The following WAC variants were observed in gnomAD, a reference collection of about 807,000 sequenced individuals.
WAC encodes the protein WW domain-containing adapter protein with coiled-coil.
In WAC, 11 loss-of-function variants were observed where a neutral mutation model predicts 79.6. That is an observed-to-expected ratio of 0.14 (90% confidence interval 0.09 to 0.23). WAC has a LOEUF of 0.23. Ranked by LOEUF, WAC falls within the 10% of genes least tolerant of loss-of-function variation. WAC has a pLI of 1.00. For synonymous variants in WAC, 304 were observed against 276.9 expected (o/e 1.10, Z -0.97); for missense variants, 728 against 773.5 (o/e 0.94, Z 0.70).
At chr10:28,588,355 A>G (rs1839925305) in intron 4 of WAC, among the ~76,000 whole-genome samples, 1 of 152,126 alleles carries the variant, frequency 6.6e-6, no homozygotes, top group Non-Finnish European at 1.5e-5. Flanking sequence ...TGCCACCCTC[A>G]TTATTTTGGG....
At chr10:28,590,311 CAAAAAAAA>C (rs34562281) in intron 5 of WAC, among the ~76,000 whole-genome samples, 3 of 103,384 alleles carry the variant, frequency 2.9e-5, no homozygotes, top group African/African-American at 3.8e-5. Context: ...GATGCTATCT[CAAAAAAAA>C]AAAAAAAAAA....
At chr10:28,542,858 A>C (rs1220387862) in intron 3 of WAC, among the ~76,000 whole-genome samples, 2 of 152,204 alleles carry the variant, frequency 1.3e-5, no homozygotes, top group Admixed American at 1.3e-4. Context: ...TTTGGAAACA[A>C]ATGTTATAGC....
At chr10:28,603,247 T>G (rs973611295) in intron 7 of WAC, among the ~76,000 whole-genome samples, 1 of 152,168 alleles carries the variant, frequency 6.6e-6, no homozygotes, top group Non-Finnish European at 1.5e-5. Flanking sequence ...TTTAAAAAAA[T>G]TGCATGTTTT....
In WAC at chr10:28,538,538, T is replaced by C. The variant is rs551726132; in HGVS notation, c.274+2781T>C. ...TGGAGGTTGCAGTGAGCTGAGATTG[T>C]GCCATTGCACTCCAGCCTGGGAGAC... On this transcript the variant is annotated intron_variant, in intron 3 of 13. Transcript: ENST00000354911. Among the ~76,000 whole-genome samples, 52 of 142,482 alleles carry C rather than the reference T, an allele frequency of 3.6e-4. No homozygotes were observed. In the East Asian group the frequency reaches 7.0e-3, roughly 19 times the overall value. 93.5% of individuals were successfully genotyped at this position (142,482 alleles called of 152,430 possible).
chr10:28,616,240 G>A lies in WAC; in HGVS notation c.1624G>A (p.Val542Ile), dbSNP rs200849182. The A allele has an allele frequency of 1.2e-4, 190 of 1,613,844 alleles. No homozygotes were observed. The highest frequency in any genetic ancestry group is 1.5e-4 in the Non-Finnish European group (181 of 1,179,934). Residue 542 changes from valine (V) to isoleucine (I), a missense_variant, in exon 12 of 14, where the codon GTT (valine) becomes ATT (isoleucine). By Grantham distance (29) the Val-to-Ile change is conservative. Around this residue, in one of 3 missense-constraint regions of WAC, gnomAD observed 648 missense variants for 661.5 expected, o/e 0.98. Transcript: ENST00000354911. Reference protein sequence around the residue: ...SNSSNASNATVVPQNSSARST... With the variant: ...SNSSNASNATIVPQNSSARST... ...TAGTAGTAATGCATCAAATGCAACA[G>A]TTGTACCACAGAATTCTTCTGCCCG...
intron 7 of WAC, among the ~76,000 whole-genome samples, chr10:28,605,240 TAAAAG>T (rs1353260029): frequency 6.6e-6 from 1 of 152,232 alleles, no homozygotes; most frequent in East Asian, 1.9e-4. Flanking sequence ...TTTTTAAAGT[TAAAAG>T]GAACCTTGGA....
chr10:28,591,699 A>T (rs2132681886), intron 6 of WAC: 1 of 152,308 alleles, frequency 6.6e-6, no homozygotes, highest in South Asian at 2.1e-4. Flanking sequence ...CAGTGTCCAC[A>T]GAATTAAAAA....
chr10:28,590,888 T>G, intron 6 of WAC, 56 bp downstream of exon 6: 1 of 1,340,750 alleles, frequency 7.5e-7, no homozygotes, highest in East Asian at 2.4e-5. Flanking sequence ...GTATTTATTT[T>G]TCAAATCTGT....
intron 10 of WAC, among the ~76,000 whole-genome samples, chr10:28,613,986 GCATC>G (rs1317417505): frequency 6.6e-6 from 1 of 152,086 alleles, no homozygotes; most frequent in African/African-American, 2.4e-5. Context: ...TAAAATCTAA[GCATC>G]CATATGTGTA....
In WAC at chr10:28,534,022, G is replaced by A; in HGVS notation, c.66G>A (p.Ser22=). The A allele has an allele frequency of 6.3e-7, 1 of 1,594,130 alleles. No homozygotes were observed. The highest frequency in any genetic ancestry group is 1.4e-5 in the African/African-American group (1 of 72,152). ...SDGCHDRRGD[S]QPYQALKYSS... ...GCTGTCACGACCGGAGGGGGGACTC[G>A]CAGCCTTACCAGGTACCAGCCGAGG... The change falls in exon 2 of 14, where the codon TCG becomes TCA. Residue 22 remains serine, a synonymous_variant. Transcript: ENST00000354911.
At chr10:28,550,869 CTT>C (rs1417109168) in intron 3 of WAC, among the ~76,000 whole-genome samples, 3 of 152,176 alleles carry the variant, frequency 2.0e-5, no homozygotes, top group Admixed American at 1.3e-4. Flanking sequence ...TTATCAATCT[CTT>C]AAGTAGCCCG....
intron 4 of WAC, among the ~76,000 whole-genome samples, chr10:28,587,065 C>G (rs1839855420): frequency 2.0e-5 from 3 of 152,058 alleles, no homozygotes; most frequent in African/African-American, 7.2e-5. Flanking sequence ...AGTTGGAAAC[C>G]AGCCTGGGCA....
At chr10:28,573,731 C>A (rs1040162444) in intron 3 of WAC, among the ~76,000 whole-genome samples, 1 of 152,086 alleles carries the variant, frequency 6.6e-6, no homozygotes, top group African/African-American at 2.4e-5. Context: ...AATTCACATA[C>A]CATACCATTC....
intron 3 of WAC, among the ~76,000 whole-genome samples, chr10:28,540,015 G>GT: frequency 6.6e-6 from 1 of 152,078 alleles, no homozygotes; most frequent in East Asian, 1.9e-4. Context: ...ATATAATTTA[G>GT]TAACGTTTGA....
chr10:28,568,402 A>G (rs933965882), intron 3 of WAC, among the ~76,000 whole-genome samples: 4 of 152,062 alleles, frequency 2.6e-5, no homozygotes, highest in South Asian at 4.1e-4. Flanking sequence ...TTGTTTTGAG[A>G]TGGAGTCTTG....
chr10:28,615,296 A>G (rs1387228694), intron 11 of WAC: 1 of 152,202 alleles, frequency 6.6e-6, no homozygotes, highest in Non-Finnish European at 1.5e-5. Context: ...AAATAATTCA[A>G]CTGTTGTTTT....
At chr10:28,613,499 C>T (rs1589245207) in intron 10 of WAC, among the ~76,000 whole-genome samples, 1 of 152,010 alleles carries the variant, frequency 6.6e-6, no homozygotes, top group South Asian at 2.1e-4. Context: ...AGACTAAGAC[C>T]CTGTCTGGAA....
intron 6 of WAC, chr10:28,591,341 G>C (rs1173636234): frequency 6.6e-6 from 1 of 152,650 alleles, no homozygotes; most frequent in African/African-American, 2.4e-5. Flanking sequence ...AACATCTCTA[G>C]TTTGAATTTC....
Position 28,533,576 on chromosome 10 carries a change from A to G in WAC, c.-4A>G, listed in dbSNP as rs1836402387. 3 of 1,448,092 alleles carry G rather than the reference A, an allele frequency of 2.1e-6. No individual in the cohort carries two copies. Among genetic ancestry groups the G allele is most frequent in the African/African-American group, 3.0e-5 (2 of 66,598 alleles). The allele number at this position is 1,448,092 out of a possible 1,614,324, so 89.7% of individuals were successfully genotyped here. On this transcript the variant is annotated 5_prime_UTR_variant, in exon 1 of 14. Transcript: ENST00000354911. ...CCCGACACACACTCACAGGCCGGGC[A>G]TTGATGGTAATGTATGCGAGGAAAC...
Sources: gnomAD v4.1 joint callset for allele counts (sites outside exome capture counted in the v4.1 genomes callset) on GRCh38, gnomAD v4.1.1 for gene constraint, gnomAD v4.1.1 regional missense constraint, MANE v1.5 for transcripts, NCBI Gene and HGNC (gene_info 2026-07-23, HGNC 2026-07-21) for gene names.